Variants in DIAPH3 observed in about 807,000 individuals in gnomAD.
DIAPH3 encodes the protein diaphanous related formin 3.
In DIAPH3, 117 loss-of-function variants were observed where a neutral mutation model predicts 144.3. That is an observed-to-expected ratio of 0.81 (90% CI 0.70 to 0.95). DIAPH3 has a LOEUF of 0.95. Ranked by LOEUF, DIAPH3 falls within the 40% of genes least tolerant of loss-of-function variation. The pLI, the probability that DIAPH3 is intolerant of heterozygous loss-of-function variation, is 0.00. For synonymous variants in DIAPH3, 519 were observed against 488.9 expected, an observed-to-expected ratio of 1.06 and a Z score of -0.81; for missense variants, 1,421 against 1,412.7, an observed-to-expected ratio of 1.01 and a Z score of -0.09.
At chr13:60,143,260 C>G (rs1362255701) in intron 1 of DIAPH3, among the ~76,000 whole-genome samples, 1 of 152,152 alleles carries the variant, frequency 6.6e-6, no homozygotes, top group African/African-American at 2.4e-5. Flanking sequence ...ACTTTTACAT[C>G]CTGCCTTGCA....
intron 5 of DIAPH3, among the ~76,000 whole-genome samples, chr13:60,020,256 C>G (rs983403568): frequency 6.6e-6 from 1 of 151,954 alleles, no homozygotes; most frequent in African/African-American, 2.4e-5. Context: ...TTTATATATG[C>G]AGAAATAAAC....
intron 27 of DIAPH3, among the ~76,000 whole-genome samples, chr13:59,769,338 C>CTCCA (rs1470376248): frequency 6.6e-6 from 1 of 152,146 alleles, no homozygotes; most frequent in Non-Finnish European, 1.5e-5. Flanking sequence ...GTTGTATAGG[C>CTCCA]TCCACTACTG....
At chr13:59,744,789 C>A (rs1043429931) in intron 27 of DIAPH3, among the ~76,000 whole-genome samples, 1 of 152,066 alleles carries the variant, frequency 6.6e-6, no homozygotes, top group African/African-American at 2.4e-5. Flanking sequence ...AGTTTTGGAA[C>A]CAACAGTGCA....
At chr13:60,004,902 T>C (rs1207674834) in intron 9 of DIAPH3, among the ~76,000 whole-genome samples, 6 of 152,204 alleles carry the variant, frequency 3.9e-5, no homozygotes, top group African/African-American at 1.4e-4. Context: ...TCACCTACTA[T>C]GTCCCACAAA....
chr13:59,712,807 C>A (rs994527329), intron 27 of DIAPH3, among the ~76,000 whole-genome samples: 4 of 152,192 alleles, frequency 2.6e-5, no homozygotes, highest in Non-Finnish European at 4.4e-5. Flanking sequence ...TTGTTTAATA[C>A]TATGCACCAG....
chr13:59,916,101 T>TA, intron 19 of DIAPH3, 54 bp downstream of exon 19: 1 of 1,473,784 alleles, frequency 6.8e-7, no homozygotes, highest in Admixed American at 1.7e-5. Context: ...GATTTCTATT[T>TA]AATGAGAAGC....
At chr13:60,009,833 G>A (rs562057198) in intron 8 of DIAPH3, among the ~76,000 whole-genome samples, 15 of 151,928 alleles carry the variant, frequency 9.9e-5, no homozygotes, top group African/African-American at 3.4e-4. Flanking sequence ...TACATATGGG[G>A]GATATTTCTG....
chr13:59,885,691 T>C (rs1015355902), intron 20 of DIAPH3, among the ~76,000 whole-genome samples: 2 of 152,032 alleles, frequency 1.3e-5, no homozygotes, highest in Admixed American at 1.3e-4. Flanking sequence ...TGTGATCATA[T>C]TTGGAAACAG....
intron 19 of DIAPH3, among the ~76,000 whole-genome samples, chr13:59,915,492 T>G (rs1359031406): frequency 6.6e-6 from 1 of 152,138 alleles, no homozygotes; most frequent in Non-Finnish European, 1.5e-5. Flanking sequence ...GAACAAAAGA[T>G]GGTAAGCTGA....
chr13:59,733,422 G>A lies in DIAPH3; in HGVS notation c.3319+40767C>T, dbSNP rs138951683. On this transcript the variant is annotated intron_variant, in intron 27 of 27. Coordinates refer to ENST00000400324, the MANE Select transcript of DIAPH3 (RefSeq NM_001042517.2). ...TGAAAAGAAAATGAAAGGTGCTATT[G>A]AAAAACTAGTGTGTAACTTGTGTCT... Among the ~76,000 whole-genome samples the A allele has an allele frequency of 3.2e-3, 485 of 152,170 alleles. 5 individuals carry two copies. The highest frequency in any genetic ancestry group is 0.011 in the African/African-American group (466 of 41,548).
At chr13:59,708,823 C>T (rs2034568597) in intron 27 of DIAPH3, among the ~76,000 whole-genome samples, 1 of 151,992 alleles carries the variant, frequency 6.6e-6, no homozygotes, top group South Asian at 2.1e-4. Context: ...AGACATATTG[C>T]TTTTATAATA....
In DIAPH3 at chr13:59,922,213, T is replaced by G. The variant is rs533884957; in HGVS notation, c.2170+2562A>C. On this transcript the variant is annotated intron_variant, in intron 18 of 27. Coordinates refer to ENST00000400324, the MANE Select transcript of DIAPH3 (RefSeq NM_001042517.2). ...TACTTGAAGTCCTAGCCAGGGCAAT[T>G]AGGTAAGAGAAAAAAAATAGGCAGA... is the stretch of plus-strand genomic sequence containing the variant. Among the ~76,000 whole-genome samples, 3 of 152,060 alleles carry G rather than the reference T, an allele frequency of 2.0e-5. No individual in the cohort carries two copies. In the East Asian group the frequency reaches 5.8e-4, roughly 29 times the overall value.
At chr13:60,076,338 T>A (rs144445293) in intron 4 of DIAPH3, among the ~76,000 whole-genome samples, 53 of 152,256 alleles carry the variant, frequency 3.5e-4, no homozygotes, top group East Asian at 3.5e-3. Flanking sequence ...AGAAACCCCC[T>A]CTGTCGATCT....
chr13:60,039,546 C>T (rs142143854), intron 5 of DIAPH3, among the ~76,000 whole-genome samples: 277 of 152,156 alleles, frequency 1.8e-3, no homozygotes, highest in African/African-American at 6.0e-3. Context: ...TCAAGTGATC[C>T]GCTCGTCTCA....
chr13:60,003,669 G>A (rs1412047544), intron 9 of DIAPH3, among the ~76,000 whole-genome samples: 2 of 151,876 alleles, frequency 1.3e-5, no homozygotes, highest in Non-Finnish European at 2.9e-5. Context: ...CGCCTCCTGG[G>A]TTCACGCCAT....
chr13:59,714,364 A>C (rs1175003562), intron 27 of DIAPH3, among the ~76,000 whole-genome samples: 1 of 14,560 alleles, frequency 6.9e-5, no homozygotes, highest in Non-Finnish European at 1.4e-4. Flanking sequence ...CGTCTCAAAA[A>C]AAAAAAAAAA....
chr13:60,163,003 C>T (rs1041832796), intron 1 of DIAPH3, among the ~76,000 whole-genome samples: 12 of 152,076 alleles, frequency 7.9e-5, no homozygotes, highest in African/African-American at 2.7e-4. Flanking sequence ...TTGACACCAA[C>T]GAAAAGACAA....
At chr13:59,994,449 A>G (rs1178293929) in intron 9 of DIAPH3, among the ~76,000 whole-genome samples, 2 of 151,952 alleles carry the variant, frequency 1.3e-5, no homozygotes, top group African/African-American at 4.8e-5. Context: ...CATTTATGCC[A>G]TATCAATCAA....
intron 20 of DIAPH3, among the ~76,000 whole-genome samples, chr13:59,899,310 G>C (rs1218107906): frequency 6.6e-6 from 1 of 152,120 alleles, no homozygotes. Flanking sequence ...TGTGCCTCTA[G>C]AGAACCCTGA....
Sources: allele counts gnomAD v4.1 joint callset (sites outside exome capture counted in the v4.1 genomes callset), GRCh38; gene constraint gnomAD v4.1.1; transcripts MANE v1.5; gene names NCBI Gene and HGNC (gene_info 2026-07-23, HGNC 2026-07-21).